The following ARHGEF3 variants were observed in gnomAD, a reference collection of about 807,000 sequenced individuals.
ARHGEF3 encodes 59.8 kDA protein.
Under a neutral mutation model 63.2 loss-of-function variants are expected in ARHGEF3, and 28 were observed. The ratio of observed to expected loss-of-function variants is 0.44; its 90% CI spans 0.33 to 0.61. The LOEUF is 0.61. Ranked by LOEUF, ARHGEF3 falls within the 20% of genes least tolerant of loss-of-function variation. The probability of loss-of-function intolerance (pLI) is 0.03; values close to 1 mark genes in which losing one functional copy is unlikely to be tolerated. For missense variants in ARHGEF3, 533 were observed against 659.3 expected (o/e 0.81, Z 2.10); for synonymous variants, 266 against 254.2 (o/e 1.05, Z -0.44).
rs147645927 is a variant in ARHGEF3 at position 56,735,235 on chromosome 3, G to C, written c.1041+1950C>G. ...GGAGGTGGAGGTTGCAGTGAGCCAA[G>C]ATCGTGCCACTGCACTCCAGCCTGG... On this transcript the variant is annotated intron_variant, in intron 8 of 9. Transcript: ENST00000296315. Among the ~76,000 whole-genome samples, 1,091 of 152,290 alleles carry C rather than the reference G, an allele frequency of 7.2e-3. 15 individuals are homozygous for C. The highest frequency in any genetic ancestry group is 0.024 in the African/African-American group (1,012 of 41,542).
chr3:56,837,270 C>A (rs897508399), intron 4 of ARHGEF3, among the ~76,000 whole-genome samples: 7 of 152,132 alleles, frequency 4.6e-5, no homozygotes, highest in African/African-American at 1.7e-4. Flanking sequence ...AGGGAGCAAG[C>A]AAAGAGTCCA....
intron 1 of ARHGEF3, among the ~76,000 whole-genome samples, chr3:57,059,900 G>A (rs1203090387): frequency 6.6e-6 from 1 of 152,198 alleles, no homozygotes; most frequent in Non-Finnish European, 1.5e-5. Context: ...GGAGGCTGAG[G>A]CAGGAGAATC....
chr3:56,735,395 ACCCAAGAC>A, intron 8 of ARHGEF3, among the ~76,000 whole-genome samples: 1 of 151,908 alleles, frequency 6.6e-6, no homozygotes, highest in Admixed American at 6.5e-5. Context: ...TTTTTTTCTG[ACCCAAGAC>A]TTTATTCACA....
chr3:57,002,931 G>A (rs1000111670), intron 2 of ARHGEF3, among the ~76,000 whole-genome samples: 1 of 150,900 alleles, frequency 6.6e-6, no homozygotes, highest in Non-Finnish European at 1.5e-5. Context: ...ACGCCACCAC[G>A]CCCGGCTAAT....
intron 3 of ARHGEF3, among the ~76,000 whole-genome samples, chr3:56,894,724 C>T (rs2041243309): frequency 6.6e-6 from 1 of 152,092 alleles, no homozygotes; most frequent in Admixed American, 6.5e-5. Context: ...AGTAGTTGAA[C>T]ATTCTCTGTA....
At chr3:57,016,997 TTCTCTCTG>T (rs944588195) in intron 2 of ARHGEF3, among the ~76,000 whole-genome samples, 4 of 109,064 alleles carry the variant, frequency 3.7e-5, no homozygotes, top group African/African-American at 1.8e-4. Flanking sequence ...GAGGAAAGCT[TTCTCTCTG>T]TCTCTCTCTC....
intron 3 of ARHGEF3, among the ~76,000 whole-genome samples, chr3:56,948,185 TA>T (rs1699615989): frequency 6.6e-6 from 1 of 152,026 alleles, no homozygotes; most frequent in African/African-American, 2.4e-5. Flanking sequence ...AGGAAAGATC[TA>T]AAATTGACAC....
At position 56,910,230 on chromosome 3, in the gene ARHGEF3, C is replaced by T. The variant is rs543122101; in HGVS notation, c.130-27876G>A. Among the ~76,000 whole-genome samples, 6 of 152,246 alleles carry T rather than the reference C, an allele frequency of 3.9e-5. No individual in the cohort carries two copies. In the South Asian group the frequency reaches 1.2e-3, roughly 32 times the overall value. On this transcript the variant is annotated intron_variant, in intron 3 of 12. Transcript: ENST00000338458. ...AAATTAGGTCACTTTGTGTGTGTCCCTCTCTCCCCCATTTTCTCTGGGCTG... is the reference window on the plus strand; with the variant it reads ...AAATTAGGTCACTTTGTGTGTGTCCTTCTCTCCCCCATTTTCTCTGGGCTG...
At chr3:56,966,849 AATT>A (rs141341491) in intron 2 of ARHGEF3, among the ~76,000 whole-genome samples, 19,956 of 145,888 alleles carry the variant, frequency 0.14, 1,505 homozygotes, top group East Asian at 0.25. Flanking sequence ...TTTTTTTTTT[AATT>A]ATTATTATTA....
intron 2 of ARHGEF3, among the ~76,000 whole-genome samples, chr3:56,764,907 C>A (rs1391475876): frequency 6.6e-6 from 1 of 151,964 alleles, no homozygotes; most frequent in African/African-American, 2.4e-5. Context: ...CAGGCGCCTG[C>A]CACCAAGCCT....
At chr3:56,906,321 A>C (rs1047889813) in intron 3 of ARHGEF3, among the ~76,000 whole-genome samples, 8 of 152,176 alleles carry the variant, frequency 5.3e-5, no homozygotes, top group African/African-American at 1.7e-4. Flanking sequence ...AGCAGATAGA[A>C]AACATTTCTG....
At chr3:56,789,406 G>C (rs1250567901) in intron 1 of ARHGEF3, among the ~76,000 whole-genome samples, 1 of 152,148 alleles carries the variant, frequency 6.6e-6, no homozygotes, top group Non-Finnish European at 1.5e-5. Context: ...GCTTTGAAAA[G>C]AAAAAGATTT....
At chr3:56,844,845 C>T (rs2039431420) in intron 4 of ARHGEF3, among the ~76,000 whole-genome samples, 1 of 152,232 alleles carries the variant, frequency 6.6e-6, no homozygotes, top group Non-Finnish European at 1.5e-5. Context: ...CTGGTGTTCA[C>T]ATCCCTGTAG....
chr3:56,957,872 A>C (rs1181916361), intron 3 of ARHGEF3, among the ~76,000 whole-genome samples: 2 of 152,214 alleles, frequency 1.3e-5, no homozygotes, highest in Non-Finnish European at 2.9e-5. Flanking sequence ...TCCTGAGATT[A>C]GCGCTAGAAT....
At chr3:56,998,102 A>C (rs750386707) in intron 2 of ARHGEF3, among the ~76,000 whole-genome samples, 2 of 152,210 alleles carry the variant, frequency 1.3e-5, no homozygotes, top group Non-Finnish European at 2.9e-5. Flanking sequence ...GTAACATCGC[A>C]AACTGCTGCT....
At chr3:56,787,718 G>GATAATAATAATAATAATAATAATA (rs58762340) in intron 1 of ARHGEF3, among the ~76,000 whole-genome samples, 9 of 150,896 alleles carry the variant, frequency 6.0e-5, no homozygotes, top group South Asian at 4.2e-4. Flanking sequence ...AACTTCCTCT[G>GATAATAATAATAATAATAATAATA]ATAATAATAA....
chr3:57,077,633 C>T (rs999431524), intron 1 of ARHGEF3, among the ~76,000 whole-genome samples: 1 of 152,084 alleles, frequency 6.6e-6, no homozygotes, highest in African/African-American at 2.4e-5. Context: ...GTCCCTGGAC[C>T]CTTAAATAGA....
chr3:56,742,469 T>C (rs1048660997), intron 7 of ARHGEF3, among the ~76,000 whole-genome samples: 1 of 152,240 alleles, frequency 6.6e-6, no homozygotes, highest in African/African-American at 2.4e-5. Flanking sequence ...TCAACTCTCT[T>C]GGAACGGAAG....
chr3:56,911,139 T>C (rs911132682), intron 3 of ARHGEF3, among the ~76,000 whole-genome samples: 3 of 152,096 alleles, frequency 2.0e-5, no homozygotes, highest in African/African-American at 7.2e-5. Context: ...CCTAGCCCAG[T>C]GCTCTCGTCC....
Sources: gnomAD v4.1 joint callset for allele counts (sites outside exome capture counted in the v4.1 genomes callset) on GRCh38, gnomAD v4.1.1 for gene constraint, MANE v1.5 for transcripts, NCBI Gene and HGNC (gene_info 2026-07-23, HGNC 2026-07-21) for gene names.